Variants in DCDC1 observed in about 807,000 individuals in gnomAD.
DCDC1 encodes doublecortin domain-containing protein 1.
DCDC1 carries 200 observed loss-of-function variants against 178.3 expected under a neutral mutation model. The observed-to-expected ratio is 1.12, with a 90% CI of 1.00 to 1.26. The LOEUF is 1.26. Ranked by LOEUF, DCDC1 falls within the 50% of genes most tolerant of loss-of-function variation. The pLI, the probability that DCDC1 is intolerant of heterozygous loss-of-function variation, is 0.00. For missense variants in DCDC1, 1,983 were observed against 1,749.2 expected (o/e 1.13, Z -2.38); for synonymous variants, 690 against 604.8 (o/e 1.14, Z -2.07).
At chr11:31,226,702 C>A in intron 9 of DCDC1, among the ~76,000 whole-genome samples, 1 of 118,256 alleles carries the variant, frequency 8.5e-6, no homozygotes, top group Admixed American at 8.7e-5. Context: ...AGCAAGATCT[C>A]ATCTCTAAAA....
chr11:31,029,167 A>G (rs925138664), intron 20 of DCDC1, among the ~76,000 whole-genome samples: 2 of 152,110 alleles, frequency 1.3e-5, no homozygotes, highest in Non-Finnish European at 2.9e-5. Flanking sequence ...CCAAAGATCA[A>G]CACAAATGAT....
intron 20 of DCDC1, among the ~76,000 whole-genome samples, chr11:30,957,430 T>C (rs1310854451): frequency 6.6e-6 from 1 of 152,158 alleles, no homozygotes; most frequent in Non-Finnish European, 1.5e-5. Flanking sequence ...GGTTTTTACA[T>C]TACCGAAGTC....
At chr11:31,331,181 CTCTT>C (rs1033751775) in intron 2 of DCDC1, among the ~76,000 whole-genome samples, 15 of 151,214 alleles carry the variant, frequency 9.9e-5, no homozygotes, top group Non-Finnish European at 1.8e-4. Flanking sequence ...CATGATTTGG[CTCTT>C]TGTTATTGGT....
At chr11:31,333,728 G>C (rs1950124321) in intron 2 of DCDC1, among the ~76,000 whole-genome samples, 1 of 152,172 alleles carries the variant, frequency 6.6e-6, no homozygotes, top group Non-Finnish European at 1.5e-5. Flanking sequence ...CTGGTTTGTA[G>C]AGTTTCTGCC....
chr11:31,085,169 T>C (rs1315349654), intron 17 of DCDC1, among the ~76,000 whole-genome samples: 2 of 150,508 alleles, frequency 1.3e-5, no homozygotes, highest in Admixed American at 6.6e-5. Flanking sequence ...TTTTAAGGTT[T>C]TTTTTTTTAA....
At chr11:30,971,689 A>G (rs2134689761) in intron 20 of DCDC1, among the ~76,000 whole-genome samples, 1 of 143,106 alleles carries the variant, frequency 7.0e-6, no homozygotes, top group East Asian at 2.1e-4. Flanking sequence ...GGCTCACCGC[A>G]AGCTCTGCCT....
chr11:31,282,535 T>A (rs190859073), intron 7 of DCDC1, among the ~76,000 whole-genome samples: 2 of 152,182 alleles, frequency 1.3e-5, no homozygotes, highest in South Asian at 2.1e-4. Context: ...GGTTATTTAT[T>A]TCTAATTTAA....
At chr11:31,279,057 C>A (rs1227749388) in intron 7 of DCDC1, among the ~76,000 whole-genome samples, 1 of 152,074 alleles carries the variant, frequency 6.6e-6, no homozygotes, top group African/African-American at 2.4e-5. Context: ...AGGAAACTGG[C>A]ATCATAATAA....
intron 9 of DCDC1, among the ~76,000 whole-genome samples, chr11:31,194,823 A>AAC (rs1970498521): frequency 1.3e-5 from 2 of 152,122 alleles, no homozygotes; most frequent in Admixed American, 1.3e-4. Context: ...AAAGTTATAA[A>AAC]CAGTGTTAAA....
intron 7 of DCDC1, among the ~76,000 whole-genome samples, chr11:31,278,084 G>T (rs1047052383): frequency 1.3e-5 from 2 of 151,968 alleles, no homozygotes; most frequent in Admixed American, 6.6e-5. Context: ...ATGATTGTGA[G>T]GTAAGTTCTT....
chr11:30,930,377 T>C (rs1003549821), intron 22 of DCDC1, among the ~76,000 whole-genome samples: 3 of 152,138 alleles, frequency 2.0e-5, no homozygotes, highest in Admixed American at 2.0e-4. Flanking sequence ...ATTCTATTGA[T>C]GATATTATAG....
At chr11:31,041,885 CTTTATG>C (rs1954482633) in intron 20 of DCDC1, among the ~76,000 whole-genome samples, 2 of 152,060 alleles carry the variant, frequency 1.3e-5, no homozygotes, top group African/African-American at 4.8e-5. Flanking sequence ...AGCAAAATGA[CTTTATG>C]TTTATATGTC....
intron 21 of DCDC1, among the ~76,000 whole-genome samples, chr11:30,945,758 GTCTA>G (rs201322217): frequency 2.0e-4 from 30 of 148,220 alleles, no homozygotes; most frequent in Middle Eastern, 3.5e-3. Flanking sequence ...CTGTCTGTCT[GTCTA>G]TCTATCTATA....
chr11:30,888,154 GAAAGA>G, intron 36 of DCDC1, among the ~76,000 whole-genome samples: 1 of 136,874 alleles, frequency 7.3e-6, no homozygotes, highest in Non-Finnish European at 1.5e-5. Context: ...AAGAAAGAAA[GAAAGA>G]AAGGGAAAGA....
intron 11 of DCDC1, among the ~76,000 whole-genome samples, chr11:31,123,977 A>G (rs1961195866): frequency 6.6e-6 from 1 of 152,084 alleles, no homozygotes; most frequent in Non-Finnish European, 1.5e-5. Context: ...AACAAATACA[A>G]CAACATGGCT....
chr11:31,097,517 T>C (rs1410571116), intron 15 of DCDC1, among the ~76,000 whole-genome samples: 2 of 152,242 alleles, frequency 1.3e-5, no homozygotes, highest in Non-Finnish European at 2.9e-5. Flanking sequence ...TCTTTCCTCA[T>C]GTAATTTCTG....
intron 21 of DCDC1, chr11:30,944,471 T>C (rs1441352691): frequency 6.0e-6 from 2 of 331,890 alleles, no homozygotes; most frequent in Non-Finnish European, 1.2e-5. Flanking sequence ...CATTTCCTAA[T>C]CACAGTTTAT....
At chr11:31,123,998 T>C (rs1342454688) in intron 11 of DCDC1, among the ~76,000 whole-genome samples, 1 of 152,084 alleles carries the variant, frequency 6.6e-6, no homozygotes, top group Non-Finnish European at 1.5e-5. Flanking sequence ...TCTTTGCATA[T>C]GTAAATTTCC....
chr11:31,083,173 TA>T lies in DCDC1; in HGVS notation c.2238-5249del, dbSNP rs374512185. ...ATTTTTAGCAAGACCTAAATGGCAATAAAAAAAATGGATGCAAAAAGCTATA... is the reference window on the plus strand; with the variant it reads ...ATTTTTAGCAAGACCTAAATGGCAATAAAAAAATGGATGCAAAAAGCTATA... On this transcript the variant is annotated intron_variant, in intron 17 of 38. Transcript: ENST00000684477. Among the ~76,000 whole-genome samples, 297 of 151,896 alleles carry T rather than the reference TA, an allele frequency of 2.0e-3. 1 individual carries two copies. The highest frequency in any genetic ancestry group is 6.9e-3 in the African/African-American group (284 of 41,448).
Sources: allele counts gnomAD v4.1 joint callset (sites outside exome capture counted in the v4.1 genomes callset), GRCh38; gene constraint gnomAD v4.1.1; transcripts MANE v1.5; gene names NCBI Gene and HGNC (gene_info 2026-07-23, HGNC 2026-07-21).